Variants in GINS3 observed in about 807,000 individuals in gnomAD.
GINS3 encodes the protein DNA replication complex GINS protein PSF3.
GINS3 carries 18 observed loss-of-function variants against 20.0 expected under a neutral mutation model. That is an observed-to-expected ratio of 0.90 (90% confidence interval 0.62 to 1.33). The LOEUF is 1.33. Among genes scored for constraint, GINS3 ranks in the 40% most tolerant of loss-of-function variants. GINS3 has a pLI of 0.00. For synonymous variants in GINS3, 109 were observed against 107.0 expected, an observed-to-expected ratio of 1.02 and a Z score of -0.12; for missense variants, 254 against 273.6, an observed-to-expected ratio of 0.93 and a Z score of 0.51.
chr16:58,394,342 GT>G (rs142913694), intron 1 of GINS3, among the ~76,000 whole-genome samples: 2,815 of 152,020 alleles, frequency 0.019, 79 homozygotes, highest in African/African-American at 0.065. Context: ...TTTGTTTTTG[GT>G]TTTGTTTTTT....
intron 1 of GINS3, 47 bp from the exon 2 acceptor site, chr16:58,403,051 C>A: frequency 2.1e-6 from 3 of 1,446,540 alleles, no homozygotes; most frequent in Non-Finnish European, 1.9e-6. Context: ...CACACATTTG[C>A]TGTGTTACTT....
chr16:58,397,141 C>T (rs904860494), intron 1 of GINS3, among the ~76,000 whole-genome samples: 14 of 151,154 alleles, frequency 9.3e-5, no homozygotes, highest in African/African-American at 3.4e-4. Flanking sequence ...GTGTAGCTGC[C>T]GGGCGGAGGG....
intron 1 of GINS3, among the ~76,000 whole-genome samples, chr16:58,395,808 G>T (rs1429690814): frequency 1.3e-5 from 2 of 152,036 alleles, no homozygotes; most frequent in Admixed American, 6.5e-5. Context: ...CCACAAAGCC[G>T]CCATTGTCAT....
chr16:58,397,930 G>C (rs1417821218), intron 1 of GINS3, among the ~76,000 whole-genome samples: 3 of 152,194 alleles, frequency 2.0e-5, no homozygotes, highest in Non-Finnish European at 4.4e-5. Flanking sequence ...TAGGATTACA[G>C]TGGTGTCCTT....
At chr16:58,399,282 CT>C (rs1200503399) in intron 1 of GINS3, among the ~76,000 whole-genome samples, 3 of 147,182 alleles carry the variant, frequency 2.0e-5, no homozygotes, top group African/African-American at 5.2e-5. Flanking sequence ...ACAGGACCCC[CT>C]CTCTGAAAAA....
At chr16:58,397,155 C>T (rs892406818) in intron 1 of GINS3, among the ~76,000 whole-genome samples, 13 of 151,210 alleles carry the variant, frequency 8.6e-5, no homozygotes, top group Admixed American at 7.9e-4. Flanking sequence ...CGGAGGGGCT[C>T]CTCACTTCTC....
chr16:58,394,491 C>T lies in GINS3; in HGVS notation c.186+1704C>T, dbSNP rs1244548348. 4.6e-5 allele frequency among the ~76,000 whole-genome samples: 7 copies of T among 151,978 alleles called. No homozygotes were observed. The South Asian group carries it at 1.5e-3, about 32-fold the overall frequency. ...CCTCCCAAGTAGCTGAGATTACAGG[C>T]GCCCACCACCACACCCAGCCAATTT... On this transcript the variant is annotated intron_variant, in intron 1 of 2. Transcript: ENST00000318129.
At chr16:58,397,808 A>T (rs1965902641) in intron 1 of GINS3, among the ~76,000 whole-genome samples, 1 of 151,728 alleles carries the variant, frequency 6.6e-6, no homozygotes. Context: ...AAAGAGAGGG[A>T]GAGGGAGACC....
intron 1 of GINS3, among the ~76,000 whole-genome samples, chr16:58,396,411 C>A (rs1965860054): frequency 8.3e-6 from 1 of 119,820 alleles, no homozygotes; most frequent in African/African-American, 3.5e-5. Flanking sequence ...CACCTCCCTC[C>A]CGGACGGGGC....
rs371591519 is a variant in GINS3, at chr16:58,403,492, T to TACACACACACAC, written c.420+162_420+163insCACACACACACA. On this transcript the variant is annotated intron_variant, in intron 2 of 2. Transcript: ENST00000318129. ...TCTGTCCATTTTATATATTTACATATATACACACACACACACACACACACA... is the reference window on the plus strand; with the variant it reads ...TCTGTCCATTTTATATATTTACATATACACACACACACATACACACACACACACACACACACA... 655 of 594,100 alleles carry TACACACACACAC rather than the reference T, an allele frequency of 1.1e-3. 3 individuals carry two copies. In the African/African-American group the frequency reaches 0.011, roughly 10 times the overall value. The allele number at this position is 594,100 out of a possible 1,614,324, so 36.8% of individuals were successfully genotyped here.
Position 58,404,486 on chromosome 16 carries a change from C to T in GINS3, c.421-13C>T. ...AGGTCAACCCTGACTTGTCTTACTC[C>T]CTTGTTTCCCAGACTTTTATCGGAC... On this transcript the variant is annotated splice_polypyrimidine_tract_variant and intron_variant, in intron 2 of 2. Coordinates refer to ENST00000318129, the MANE Select transcript of GINS3 (RefSeq NM_022770.4). 1 of 1,598,882 alleles carries T rather than the reference C, an allele frequency of 6.3e-7. No individual in the cohort carries two copies. Among genetic ancestry groups the T allele is most frequent in the Non-Finnish European group, 8.6e-7 (1 of 1,166,186 alleles).
intron 1 of GINS3, 172 bp from the exon 2 acceptor site, chr16:58,402,926 T>G: frequency 3.3e-6 from 2 of 599,304 alleles, no homozygotes; most frequent in South Asian, 4.1e-5. Flanking sequence ...CACATAAAAC[T>G]TCAGCCCACA....
chr16:58,405,313 C>T lies in GINS3; in HGVS notation c.*584C>T, dbSNP rs139372960. On this transcript the variant is annotated 3_prime_UTR_variant, in exon 3 of 3. Transcript: ENST00000318129. ...GGAAAAGGGAAAGGCAGACGAATGG[C>T]ATGGCTTTTACTAAAGAAAAGATGT... 1 of 153,634 alleles carries T rather than the reference C, an allele frequency of 6.5e-6. No individual in the cohort carries two copies. The highest frequency in any genetic ancestry group is 2.4e-5 in the African/African-American group (1 of 41,576). 9.5% of individuals were successfully genotyped at this position (153,634 alleles called of 1,614,324 possible).
chr16:58,404,142 G>T, intron 2 of GINS3: 2 of 221,248 alleles, frequency 9.0e-6, no homozygotes, highest in Admixed American at 5.2e-5. Flanking sequence ...GTTACTGTTA[G>T]AAGAAACCAT....
intron 2 of GINS3, 24 bp from the exon 3 acceptor site, chr16:58,404,475 T>A (rs1235106086): frequency 1.3e-6 from 2 of 1,543,598 alleles, no homozygotes; most frequent in Admixed American, 1.7e-5. Context: ...CAACCCTGAC[T>A]TGTCTTACTC....
At position 58,394,636 on chromosome 16, in the gene GINS3, C is replaced by A. The variant is rs540133915; in HGVS notation, c.186+1849C>A. ...TACTGGGATTACAGGCGTAAGCCAC[C>A]TCGCCCAGCCTTCTTTGTTTTTGTT... On this transcript the variant is annotated intron_variant, in intron 1 of 2. Coordinates refer to ENST00000318129, the MANE Select transcript of GINS3 (RefSeq NM_022770.4). Among the ~76,000 whole-genome samples the A allele has an allele frequency of 3.3e-5, 5 of 152,338 alleles. No individual in the cohort carries two copies. In the East Asian group the frequency reaches 9.6e-4, roughly 29 times the overall value.
At chr16:58,399,169 C>CT (rs1965921409) in intron 1 of GINS3, among the ~76,000 whole-genome samples, 2 of 151,648 alleles carry the variant, frequency 1.3e-5, no homozygotes. Flanking sequence ...GAAAAATTAG[C>CT]TGAGTGTGGT....
chr16:58,392,931 C>T (rs1965803388), intron 1 of GINS3, 144 bp downstream of exon 1: 1 of 836,420 alleles, frequency 1.2e-6, no homozygotes. Flanking sequence ...AACGACTTCT[C>T]GGAAACTCCG....
chr16:58,396,399 C>A (rs1452948284), intron 1 of GINS3, among the ~76,000 whole-genome samples: 1 of 124,328 alleles, frequency 8.0e-6, no homozygotes, highest in Admixed American at 7.4e-5. Flanking sequence ...GGCTGACCCC[C>A]CCACCTCCCT....
Sources: allele counts gnomAD v4.1 joint callset (sites outside exome capture counted in the v4.1 genomes callset), GRCh38; gene constraint gnomAD v4.1.1; transcripts MANE v1.5; gene names NCBI Gene and HGNC (gene_info 2026-07-23, HGNC 2026-07-21).